Variants in ADIPOR1 observed in about 807,000 individuals in gnomAD.
ADIPOR1 encodes adiponectin receptor 1.
ADIPOR1 carries 15 observed loss-of-function variants against 37.5 expected under a neutral mutation model. The ratio of observed to expected loss-of-function variants is 0.40; its 90% CI spans 0.27 to 0.62. The LOEUF is 0.62. Ranked by LOEUF, ADIPOR1 falls within the 20% of genes least tolerant of loss-of-function variation. The pLI is 0.42. For synonymous variants in ADIPOR1, 173 were observed against 173.2 expected (o/e 1.00, Z 0.01); for missense variants, 286 against 478.0 (o/e 0.60, Z 3.75).
chr1:202,951,074 G>C lies in ADIPOR1; in HGVS notation c.-4C>G. On this transcript the variant is annotated 5_prime_UTR_variant, in exon 2 of 8. Coordinates refer to ENST00000340990, the MANE Select transcript of ADIPOR1 (RefSeq NM_015999.6). Reference sequence around the variant, plus strand: ...CAGATCCTTTGTGGGAAGACATCTGGCTGGTACCTCAATACCCTGCAGCTT... The same window carrying C: ...CAGATCCTTTGTGGGAAGACATCTGCCTGGTACCTCAATACCCTGCAGCTT... 1 of 1,614,096 alleles carries C rather than the reference G, an allele frequency of 6.2e-7. No individual in the cohort carries two copies.
At chr1:202,944,135 C>T (rs1221121327) in intron 5 of ADIPOR1, 190 bp from the exon 6 acceptor site, 19 of 531,864 alleles carry the variant, frequency 3.6e-5, no homozygotes, top group South Asian at 1.3e-4. Context: ...TTCTATTTTA[C>T]GATGGAAAAA....
At chr1:202,946,802 T>G (rs1310332414) in intron 3 of ADIPOR1, among the ~76,000 whole-genome samples, 192 bp from the exon 4 acceptor site, 1 of 151,406 alleles carries the variant, frequency 6.6e-6, no homozygotes, top group African/African-American at 2.4e-5. Context: ...CTGACTCATA[T>G]TTTGACCATT....
In ADIPOR1 at chr1:202,941,502, C is replaced by T; in HGVS notation, c.*71G>A. ...GAAACAGACAACTCAGACTCTTCCT[C>T]TCACTTCAGCAAAGAAGTTATTTTT... is the stretch of plus-strand genomic sequence containing the variant. On this transcript the variant is annotated 3_prime_UTR_variant, in exon 8 of 8. Transcript: ENST00000340990. 6.5e-7 allele frequency: 1 copy of T among 1,534,022 alleles called. No individual in the cohort carries two copies. The highest frequency in any genetic ancestry group is 1.3e-5 in the South Asian group (1 of 78,136).
chr1:202,944,135 C>A, intron 5 of ADIPOR1, 190 bp from the exon 6 acceptor site: 1 of 531,982 alleles, frequency 1.9e-6, no homozygotes, highest in South Asian at 3.4e-5. Context: ...TTCTATTTTA[C>A]GATGGAAAAA....
At chr1:202,947,016 T>C (rs888299117) in intron 3 of ADIPOR1, among the ~76,000 whole-genome samples, 12 of 151,918 alleles carry the variant, frequency 7.9e-5, no homozygotes, top group Non-Finnish European at 5.9e-5. Context: ...CTCAGGAGGC[T>C]GAGGCAGGAG....
At chr1:202,949,929 G>A (rs1013883773) in intron 2 of ADIPOR1, among the ~76,000 whole-genome samples, 4 of 152,098 alleles carry the variant, frequency 2.6e-5, no homozygotes, top group Admixed American at 6.5e-5. Context: ...AGTTCTGGCC[G>A]AAGTCTTATG....
intron 1 of ADIPOR1, among the ~76,000 whole-genome samples, chr1:202,956,427 T>C (rs1342542961): frequency 6.6e-6 from 1 of 152,208 alleles, no homozygotes; most frequent in Non-Finnish European, 1.5e-5. Flanking sequence ...AGAATACCGA[T>C]TGATTACTTA....
Position 202,943,868 on chromosome 1 carries a change from G to A in ADIPOR1, c.695C>T (p.Pro232Leu). Residue 232 changes from proline to leucine, a missense_variant, in exon 6 of 8, where the codon CCA becomes CTA. Pro to Leu is a moderately conservative substitution (Grantham distance 98, BLOSUM62 -3). Coordinates refer to ENST00000340990, the MANE Select transcript of ADIPOR1 (RefSeq NM_015999.6). ...GGAGAGGTAGATGAGCCGTGGCTGT[G>A]GGGAGCAGTAGAAGGAATAATAGAG... The part of the protein sequence containing the change: ...PWLYYSFYCS[P>L]QPRLIYLSIV... 2 of 1,614,170 alleles carry A rather than the reference G, an allele frequency of 1.2e-6. No homozygotes were observed. The highest frequency in any genetic ancestry group is 1.7e-6 in the Non-Finnish European group (2 of 1,180,030).
intron 1 of ADIPOR1, among the ~76,000 whole-genome samples, chr1:202,952,376 T>C (rs1171347311): frequency 6.6e-6 from 1 of 152,186 alleles, no homozygotes; most frequent in Non-Finnish European, 1.5e-5. Context: ...CCCAATCTTT[T>C]ATATTGGGCA....
intron 1 of ADIPOR1, chr1:202,954,343 G>A (rs1250439815): frequency 6.6e-6 from 1 of 152,176 alleles, no homozygotes; most frequent in African/African-American, 2.4e-5. Flanking sequence ...GGAGAGATAG[G>A]GATCGGACGT....
At chr1:202,943,988 G>A (rs1292014106) in intron 5 of ADIPOR1, 43 bp from the exon 6 acceptor site, 6 of 1,533,592 alleles carry the variant, frequency 3.9e-6, no homozygotes, top group Non-Finnish European at 5.4e-6. Flanking sequence ...TGGGGGAAAT[G>A]AATTTGTATG....
intron 2 of ADIPOR1, among the ~76,000 whole-genome samples, chr1:202,949,686 G>C (rs1448287340): frequency 6.6e-6 from 1 of 151,826 alleles, no homozygotes; most frequent in Non-Finnish European, 1.5e-5. Flanking sequence ...AGAAAGCCTG[G>C]CAGTTCAACT....
intron 4 of ADIPOR1, among the ~76,000 whole-genome samples, chr1:202,945,393 T>C (rs540131455): frequency 2.6e-5 from 4 of 152,336 alleles, no homozygotes; most frequent in African/African-American, 7.2e-5. Flanking sequence ...GGGGAATGCT[T>C]ATACACTCCT....
At chr1:202,950,003 C>T (rs1300617829) in intron 2 of ADIPOR1, among the ~76,000 whole-genome samples, 1 of 152,034 alleles carries the variant, frequency 6.6e-6, no homozygotes, top group Non-Finnish European at 1.5e-5. Context: ...TCACTCGTTG[C>T]CCAGGCTGGA....
At chr1:202,957,459 A>T (rs1192552305) in intron 1 of ADIPOR1, among the ~76,000 whole-genome samples, 1 of 147,786 alleles carries the variant, frequency 6.8e-6, no homozygotes, top group African/African-American at 2.7e-5. Context: ...AGAGCACCAG[A>T]AACTGAGGGA....
chr1:202,958,555 C>T (rs1654880258), upstream of ADIPOR1: 4 of 152,410 alleles, frequency 2.6e-5, no homozygotes, highest in Admixed American at 2.6e-4. Context: ...CTCGTTATCG[C>T]AGCCTGAAGT....
At chr1:202,956,204 A>G (rs1389266275) in intron 1 of ADIPOR1, among the ~76,000 whole-genome samples, 1 of 152,240 alleles carries the variant, frequency 6.6e-6, no homozygotes, top group Admixed American at 6.5e-5. Context: ...TCCAAGAAAA[A>G]AAACTCACCA....
Position 202,946,509 on chromosome 1 carries a change from G to A in ADIPOR1, c.360C>T (p.Ser120=). Residue 120 remains serine (S), a synonymous_variant, in exon 4 of 8, where the codon TCC becomes TCT. Coordinates refer to ENST00000340990, the MANE Select transcript of ADIPOR1 (RefSeq NM_015999.6). Reference sequence around the variant, plus strand: ...AGATGCTCTTGAAGCAAGCCCGAAAGGAGGGCATGGGAGGTCTATGACCAT... The same window carrying A: ...AGATGCTCTTGAAGCAAGCCCGAAAAGAGGGCATGGGAGGTCTATGACCAT... The part of the protein sequence containing the change: ...LLHGHRPPMP[S]FRACFKSIFR... 6.2e-7 allele frequency: 1 copy of A among 1,614,136 alleles called. No individual in the cohort carries two copies. The highest frequency in any genetic ancestry group is 8.5e-7 in the Non-Finnish European group (1 of 1,180,036).
intron 3 of ADIPOR1, 31 bp from the exon 4 acceptor site, chr1:202,946,641 C>T (rs1482614641): frequency 6.2e-7 from 1 of 1,610,632 alleles, no homozygotes. Context: ...CTGGGTAGGG[C>T]ACTAGATAGT....
Sources: gnomAD v4.1 joint callset for allele counts (sites outside exome capture counted in the v4.1 genomes callset) on GRCh38, gnomAD v4.1.1 for gene constraint, MANE v1.5 for transcripts, NCBI Gene and HGNC (gene_info 2026-07-23, HGNC 2026-07-21) for gene names.